The following NRXN1 variants were observed in gnomAD, a reference collection of about 807,000 sequenced individuals.
The protein encoded by NRXN1 is neurexin-1.
Under a neutral mutation model 150.9 loss-of-function variants are expected in NRXN1, and 39 were observed. The ratio of observed to expected loss-of-function variants is 0.26; its 90% CI spans 0.20 to 0.34. NRXN1 has a LOEUF of 0.34. Ranked by LOEUF, NRXN1 falls within the 10% of genes least tolerant of loss-of-function variation. The probability of loss-of-function intolerance (pLI) is 1.00; values close to 1 mark genes in which losing one functional copy is unlikely to be tolerated. For synonymous variants in NRXN1, 924 were observed against 757.0 expected, an observed-to-expected ratio of 1.22 and a Z score of -3.62; for missense variants, 1,815 against 1,949.9, an observed-to-expected ratio of 0.93 and a Z score of 1.30.
intron 17 of NRXN1, among the ~76,000 whole-genome samples, chr2:50,447,740 TATATATATATATA>T (rs200200738): frequency 0.34 from 27,186 of 81,072 alleles, 4,847 homozygotes; most frequent in South Asian, 0.43. Context: ...GGGAACGTTA[TATATATATATATA>T]TATATATATA....
intron 17 of NRXN1, among the ~76,000 whole-genome samples, chr2:50,389,409 TA>T (rs1256881509): frequency 6.6e-6 from 1 of 151,362 alleles, no homozygotes; most frequent in Non-Finnish European, 1.5e-5. Context: ...TCCACCAGCA[TA>T]CAAGCTATTT....
intron 5 of NRXN1, among the ~76,000 whole-genome samples, chr2:50,829,243 GGGGAGAGGGAGACCGTGGGGAGA>G (rs1345590246): frequency 6.6e-6 from 1 of 151,350 alleles, no homozygotes; most frequent in Non-Finnish European, 1.5e-5. Flanking sequence ...GGGAGACCGT[GGGGAGAGGGAGACCGTGGGGAGA>G]GGGAGAGGGA....
intron 21 of NRXN1, among the ~76,000 whole-genome samples, chr2:49,983,918 TTTGGGAGGCTGAGGCAGGAGGATTAC>T (rs1301995977): frequency 2.6e-5 from 4 of 152,126 alleles, no homozygotes; most frequent in African/African-American, 9.7e-5. Context: ...CTTCCTGTAC[TTTGGGAGGCTGAGGCAGGAGGATTAC>T]TTGAGGCCAA....
chr2:50,309,018 C>G (rs547841138), intron 17 of NRXN1, among the ~76,000 whole-genome samples: 3 of 152,146 alleles, frequency 2.0e-5, no homozygotes, highest in Admixed American at 6.6e-5. Flanking sequence ...ATATTAGCTA[C>G]AAATTTAGGA....
At chr2:49,989,082 C>T (rs1251747260) in intron 21 of NRXN1, among the ~76,000 whole-genome samples, 1 of 152,078 alleles carries the variant, frequency 6.6e-6, no homozygotes, top group Non-Finnish European at 1.5e-5. Context: ...CTTATGAATG[C>T]TAAGATTGTT....
At chr2:50,247,727 T>G (rs1298181979) in intron 17 of NRXN1, among the ~76,000 whole-genome samples, 1 of 152,010 alleles carries the variant, frequency 6.6e-6, no homozygotes, top group Non-Finnish European at 1.5e-5. Flanking sequence ...ATATGACAAC[T>G]TGATGAAATG....
At chr2:50,373,626 AAAAGAAAGAAAGAAAGAAAGAAAGAAAG>A (rs202127677) in intron 17 of NRXN1, among the ~76,000 whole-genome samples, 4 of 98,538 alleles carry the variant, frequency 4.1e-5, no homozygotes, top group South Asian at 3.7e-4. Context: ...AGAGAGAAAG[AAAAGAAAGAAAGAAAGAAAGAAAGAAAG>A]AAAGAAAGAA....
chr2:50,091,532 T>C, intron 18 of NRXN1, 38 bp from the exon 19 acceptor site: 1 of 1,595,596 alleles, frequency 6.3e-7, no homozygotes, highest in South Asian at 1.1e-5. Flanking sequence ...TGAATTAAGT[T>C]GACTAGTCAC....
intron 2 of NRXN1, among the ~76,000 whole-genome samples, chr2:51,012,171 T>C (rs150102492): frequency 2.5e-3 from 388 of 152,160 alleles, no homozygotes; most frequent in African/African-American, 9.0e-3. Context: ...CTCACTTTCC[T>C]TGTGTTCACA....
At chr2:50,005,373 G>A (rs927146423) in intron 21 of NRXN1, among the ~76,000 whole-genome samples, 2 of 152,128 alleles carry the variant, frequency 1.3e-5, no homozygotes, top group Non-Finnish European at 2.9e-5. Context: ...CTTATTACTT[G>A]AGAGGAAGAC....
chr2:50,842,303 G>A (rs534928357), intron 5 of NRXN1, among the ~76,000 whole-genome samples: 2 of 152,180 alleles, frequency 1.3e-5, no homozygotes, highest in African/African-American at 4.8e-5. Flanking sequence ...GAACAGTGAG[G>A]AGCAGAAGGA....
chr2:50,788,395 G>C (rs1338802439), intron 5 of NRXN1, among the ~76,000 whole-genome samples: 1 of 151,890 alleles, frequency 6.6e-6, no homozygotes, highest in African/African-American at 2.4e-5. Flanking sequence ...CCTCCCCACT[G>C]GTTTTAAGCA....
intron 17 of NRXN1, among the ~76,000 whole-genome samples, chr2:50,258,100 T>C (rs2067889301): frequency 6.6e-6 from 1 of 151,998 alleles, no homozygotes; most frequent in Non-Finnish European, 1.5e-5. Flanking sequence ...TGCTTACTGA[T>C]TAGGGTGGTG....
chr2:50,243,887 A>C (rs1433524596), intron 17 of NRXN1, among the ~76,000 whole-genome samples: 1 of 151,858 alleles, frequency 6.6e-6, no homozygotes, highest in African/African-American at 2.4e-5. Context: ...CTCAACAAGA[A>C]ATTTTAATCA....
At chr2:50,085,052 C>T (rs1698591506) in intron 19 of NRXN1, among the ~76,000 whole-genome samples, 1 of 152,194 alleles carries the variant, frequency 6.6e-6, no homozygotes, top group Admixed American at 6.5e-5. Flanking sequence ...GTTTAATTTA[C>T]TCAGCTACTG....
At chr2:50,995,602 CAAAA>C (rs34952996) in intron 2 of NRXN1, among the ~76,000 whole-genome samples, 1 of 71,920 alleles carries the variant, frequency 1.4e-5, no homozygotes, top group Non-Finnish European at 2.6e-5. Context: ...TAGACTCTGT[CAAAA>C]AAAAAAAAAA....
chr2:50,669,640 A>C (rs907065278), intron 5 of NRXN1, among the ~76,000 whole-genome samples: 3 of 151,708 alleles, frequency 2.0e-5, no homozygotes, highest in Admixed American at 2.0e-4. Flanking sequence ...AATGATTTTT[A>C]AAAGGTCCTT....
At chr2:50,098,869 T>G (rs1438650853) in intron 18 of NRXN1, among the ~76,000 whole-genome samples, 58 of 69,176 alleles carry the variant, frequency 8.4e-4, no homozygotes, top group African/African-American at 3.0e-3. Context: ...TTTTTTTTTT[T>G]TTTTTTTTTT....
chr2:50,623,630 A>G lies in NRXN1; in HGVS notation c.833-15T>C. 6.3e-7 allele frequency: 1 copy of G among 1,584,356 alleles called. No homozygotes were observed. On this transcript the variant is annotated splice_polypyrimidine_tract_variant and intron_variant, in intron 5 of 22. Coordinates refer to ENST00000401669, the MANE Select transcript of NRXN1 (RefSeq NM_001330078.2). Reference sequence around the variant, plus strand: ...TTCTTCTTTTCCTAGAGGAAAACAGATGATACATACATAAGTAAACAAATA... The same window carrying G: ...TTCTTCTTTTCCTAGAGGAAAACAGGTGATACATACATAAGTAAACAAATA...
Sources: gnomAD v4.1 joint callset for allele counts (sites outside exome capture counted in the v4.1 genomes callset) on GRCh38, gnomAD v4.1.1 for gene constraint, MANE v1.5 for transcripts, NCBI Gene and HGNC (gene_info 2026-07-23, HGNC 2026-07-21) for gene names.